The following SPTBN4 variants were observed in gnomAD, a reference collection of about 807,000 sequenced individuals.
SPTBN4 encodes spectrin beta, non-erythrocytic 4.
In SPTBN4, 96 loss-of-function variants were observed where a neutral mutation model predicts 277.8. The observed-to-expected ratio is 0.35, with a 90% CI of 0.29 to 0.41. The LOEUF is 0.41. Among genes scored for constraint, SPTBN4 ranks in the 10% least tolerant of loss-of-function variants. The pLI, the probability that SPTBN4 is intolerant of heterozygous loss-of-function variation, is 1.00. For missense variants in SPTBN4, 3,006 were observed against 3,595.7 expected (o/e 0.84, Z 4.19); for synonymous variants, 1,481 against 1,580.3 (o/e 0.94, Z 1.49).
chr19:40,561,450 G>C (rs2081041766), intron 27 of SPTBN4, among the ~76,000 whole-genome samples: 1 of 152,206 alleles, frequency 6.6e-6, no homozygotes, highest in Admixed American at 6.5e-5. Context: ...AAATGCATAT[G>C]GTGTGCCATG....
In SPTBN4 at chr19:40,472,660, C is replaced by T. The variant is rs2079898395; in HGVS notation, c.39C>T (p.Gly13=). The T allele has an allele frequency of 6.2e-7, 1 of 1,613,812 alleles. No homozygotes were observed. Among genetic ancestry groups the T allele is most frequent in the South Asian group, 1.1e-5 (1 of 91,016 alleles). The change falls in exon 2 of 36, where the codon GGC becomes GGT. Residue 13 remains glycine, a synonymous_variant. Transcript: ENST00000598249. The part of the protein sequence containing the change: ...QVPGEVDNME[G]LPAPNNNPAA... ...CAGGGGAAGTGGACAACATGGAGGG[C>T]CTGCCTGCTCCTAACAACAACCCTG...
In SPTBN4 at chr19:40,572,133, C is replaced by G; in HGVS notation, c.7434C>G (p.His2478Gln). The G allele has an allele frequency of 1.9e-6, 3 of 1,611,566 alleles. No individual in the cohort carries two copies. The highest frequency in any genetic ancestry group is 1.7e-4 in the Middle Eastern group (1 of 6,052). The change falls in exon 34 of 36, where the codon CAC becomes CAG. Residue 2478 changes from histidine (H) to glutamine (Q), a missense_variant. Coordinates refer to ENST00000598249, the MANE Select transcript of SPTBN4 (RefSeq NM_020971.3). ...THGGEPLLSL[H>Q]KATSEVASDY... ...GTGGGGAACCGCTGCTCAGCCTGCA[C>G]AAGGCCACCAGCGAGGTGGCTAGTG...
Position 40,519,956 on chromosome 19 carries a change from CG to C in SPTBN4, c.3460del (p.Glu1154ArgfsTer17). The C allele has an allele frequency of 6.5e-7, 1 of 1,539,972 alleles. No individual in the cohort carries two copies. Among genetic ancestry groups the C allele is most frequent in the Non-Finnish European group, 8.7e-7 (1 of 1,150,784 alleles). The stretch of plus-strand genomic sequence containing the variant: ...ACTATGCTCGCATCGTGGCGGCCAG[CG>C]AGGCGCTGCTGGCCGCCGACGGCGC... ...EDYARIVAAS[E>X]ALLAADGAEL... On this transcript the variant is annotated frameshift_variant, in exon 16 of 36. Coordinates refer to ENST00000598249, the MANE Select transcript of SPTBN4 (RefSeq NM_020971.3). LOFTEE classifies it high-confidence loss of function. The surrounding 1 kb of genome is among the most constrained non-coding windows in gnomAD (Gnocchi z 5.7).
intron 7 of SPTBN4, 73 bp from the exon 8 acceptor site, chr19:40,501,848 C>T: frequency 7.8e-7 from 1 of 1,280,116 alleles, no homozygotes; most frequent in Non-Finnish European, 1.1e-6. Flanking sequence ...CTTCTCCATC[C>T]CTCCATCCAA....
chr19:40,519,994 C>T lies in SPTBN4; in HGVS notation c.3497C>T (p.Pro1166Leu), dbSNP rs1599759577. The T allele has an allele frequency of 3.2e-6, 5 of 1,560,762 alleles. No homozygotes were observed. The highest frequency in any genetic ancestry group is 4.7e-5 in the East Asian group (2 of 42,136). The change falls in exon 16 of 36, where the codon CCG becomes CTG. Residue 1166 changes from proline to leucine, a missense_variant. This residue lies in a region of SPTBN4 where 1,759 missense variants were observed against 2,061.5 expected (regional missense o/e 0.85). Transcript: ENST00000598249. The surrounding 1 kb of genome is among the most constrained non-coding windows in gnomAD (Gnocchi z 5.7). ...LLAADGAELGPGLALDEWLPH... is the reference protein window; with the variant it reads ...LLAADGAELGLGLALDEWLPH... ...GCCGCCGACGGCGCAGAGCTGGGCC[C>T]GGGCCTGGCACTAGACGAGTGGCTG...
At chr19:40,503,223 G>A (rs1169516127) in intron 11 of SPTBN4, among the ~76,000 whole-genome samples, 2 of 151,782 alleles carry the variant, frequency 1.3e-5, no homozygotes, top group East Asian at 3.9e-4. Context: ...GACAAGGGAG[G>A]TTGTATCTTG....
intron 2 of SPTBN4, among the ~76,000 whole-genome samples, chr19:40,480,716 G>T (rs1324741996): frequency 6.6e-6 from 1 of 152,150 alleles, no homozygotes; most frequent in Non-Finnish European, 1.5e-5. Context: ...GTGTGTTTGT[G>T]CATTCACCTG....
Position 40,523,585 on chromosome 19 carries a change from A to G in SPTBN4, c.3803A>G (p.Gln1268Arg). Residue 1268 changes from glutamine to arginine, a missense_variant, in exon 17 of 36, where the codon CAG becomes CGG. Around this residue, in one of 5 missense-constraint regions of SPTBN4, gnomAD observed 1,759 missense variants for 2,061.5 expected, o/e 0.85. Coordinates refer to ENST00000598249, the MANE Select transcript of SPTBN4 (RefSeq NM_020971.3). ...CAGGCTGCAGAGGGCCTGCTGAGGCAGGGCAACATCTACGGGGAGCAGGCT... is the reference window on the plus strand; with the variant it reads ...CAGGCTGCAGAGGGCCTGCTGAGGCGGGGCAACATCTACGGGGAGCAGGCT... ...AVQAAEGLLRQGNIYGEQAQE... is the reference protein window; with the variant it reads ...AVQAAEGLLRRGNIYGEQAQE... 2.5e-6 allele frequency: 4 copies of G among 1,614,176 alleles called. No individual in the cohort carries two copies. The South Asian group carries it at 4.4e-5, about 18-fold the overall frequency.
At position 40,534,103 on chromosome 19, in the gene SPTBN4, G is replaced by A. The variant is rs1038375728; in HGVS notation, c.4119G>A (p.Glu1373=). ...AGGAGGGCCAGCAACTGATGCAGGA[G>A]AAGCCCGAACTGGCGGCCTCCGTGC... ...IEREGQQLMQ[E]KPELAASVRK... Residue 1373 remains glutamate (E), a synonymous_variant, in exon 20 of 36, where the codon GAG becomes GAA. Transcript: ENST00000598249. 1 of 1,606,862 alleles carries A rather than the reference G, an allele frequency of 6.2e-7. No individual in the cohort carries two copies. The highest frequency in any genetic ancestry group is 1.7e-5 in the Admixed American group (1 of 59,762).
chr19:40,526,514 G>A (rs985690689), intron 17 of SPTBN4, among the ~76,000 whole-genome samples: 10 of 151,864 alleles, frequency 6.6e-5, no homozygotes, highest in Non-Finnish European at 1.3e-4. Context: ...GAGGCTCAGA[G>A]GGGAAAACTG....
In SPTBN4 at chr19:40,519,641, G is replaced by T; in HGVS notation, c.3144G>T (p.Leu1048=). 7.1e-7 allele frequency: 1 copy of T among 1,410,786 alleles called. No individual in the cohort carries two copies. The highest frequency in any genetic ancestry group is 1.5e-5 in the South Asian group (1 of 65,398). The allele number at this position is 1,410,786 out of a possible 1,614,324, so 87.4% of individuals were successfully genotyped here. ...QAALLEEAAL[L]AERFPAQAAR... ...CCCTTCTGGAGGAGGCAGCCCTGCT[G>T]GCTGAGCGCTTCCCGGCGCAGGCGG... The change falls in exon 16 of 36, where the codon CTG becomes CTT. Residue 1048 remains leucine (L), a synonymous_variant. Coordinates refer to ENST00000598249, the MANE Select transcript of SPTBN4 (RefSeq NM_020971.3). This position sits in a 1 kb window ranked among gnomAD's most constrained non-coding sequence, Gnocchi z 5.7.
intron 1 of SPTBN4, among the ~76,000 whole-genome samples, chr19:40,470,330 G>T (rs768695501): frequency 3.7e-4 from 56 of 151,442 alleles, no homozygotes; most frequent in Admixed American, 1.3e-4. Flanking sequence ...GTTTGAGATG[G>T]TGTCTCGCCC....
At chr19:40,501,843 C>A in intron 7 of SPTBN4, 78 bp from the exon 8 acceptor site, 1 of 1,219,116 alleles carries the variant, frequency 8.2e-7, no homozygotes, top group Non-Finnish European at 1.2e-6. Context: ...AGTGGCTTCT[C>A]CATCCCTCCA....
At chr19:40,470,053 C>T (rs777622634) in intron 1 of SPTBN4, among the ~76,000 whole-genome samples, 4 of 152,004 alleles carry the variant, frequency 2.6e-5, no homozygotes, top group Non-Finnish European at 5.9e-5. Context: ...GGCTGGAGTG[C>T]AGTGGCACGA....
chr19:40,558,314 G>A (rs1037467837), intron 26 of SPTBN4, among the ~76,000 whole-genome samples: 4 of 150,646 alleles, frequency 2.7e-5, no homozygotes, highest in African/African-American at 9.8e-5. Context: ...CCGAGATCGC[G>A]CCACTGCACT....
At chr19:40,469,952 C>G (rs1244484618) in intron 1 of SPTBN4, among the ~76,000 whole-genome samples, 1 of 145,958 alleles carries the variant, frequency 6.9e-6, no homozygotes. Context: ...CCAATTTCTT[C>G]TTTTTTTAAA....
intron 2 of SPTBN4, among the ~76,000 whole-genome samples, chr19:40,480,563 T>G (rs1337373701): frequency 6.6e-6 from 1 of 152,198 alleles, no homozygotes; most frequent in African/African-American, 2.4e-5. Flanking sequence ...TTTCTGTAAA[T>G]GGAATAATGC....
In SPTBN4 at chr19:40,534,649, C is replaced by T. The variant is rs186287368; in HGVS notation, c.4359+306C>T. On this transcript the variant is annotated intron_variant, in intron 20 of 35. Transcript: ENST00000598249. Reference sequence around the variant, plus strand: ...GACACTCATTTCCTGGATGGAGAAACCAAGGCTCAGGGGTATGGGAATGGC... The same window carrying T: ...GACACTCATTTCCTGGATGGAGAAATCAAGGCTCAGGGGTATGGGAATGGC... The T allele has an allele frequency of 2.2e-3, 837 of 387,458 alleles. 5 individuals carry two copies. Among genetic ancestry groups the T allele is most frequent in the Admixed American group, 3.6e-3 (95 of 26,214 alleles). The allele number at this position is 387,458 out of a possible 1,614,324, so 24.0% of individuals were successfully genotyped here.
intron 35 of SPTBN4, chr19:40,572,687 G>A (rs773204540): frequency 2.8e-6 from 1 of 362,274 alleles, no homozygotes; most frequent in Non-Finnish European, 5.2e-6. Flanking sequence ...GGCCAGGCGC[G>A]GTGGCTCACG....
Sources: allele counts gnomAD v4.1 joint callset (sites outside exome capture counted in the v4.1 genomes callset), GRCh38; gene constraint gnomAD v4.1.1; regional missense constraint gnomAD v4.1.1; non-coding constraint Gnocchi (gnomAD v3.1); transcripts MANE v1.5; gene names NCBI Gene and HGNC (gene_info 2026-07-23, HGNC 2026-07-21).